MDFIC2: variants seen among roughly 807,000 people sequenced by gnomAD.
The protein encoded by MDFIC2 is myoD family inhibitor domain-containing protein 2.
At chr3:70,282,613 CTT>C (rs1296880182) in intron 2 of MDFIC2, among the ~76,000 whole-genome samples, 1 of 152,118 alleles carries the variant, frequency 6.6e-6, no homozygotes, top group Admixed American at 6.5e-5. Context: ...GCTGGAAATC[CTT>C]TCTTTCTAGA....
chr3:70,265,940 A>G (rs1174713572), intron 2 of MDFIC2, among the ~76,000 whole-genome samples: 3 of 152,148 alleles, frequency 2.0e-5, no homozygotes, highest in Non-Finnish European at 1.5e-5. Context: ...AGTTACCTCC[A>G]CCTGGTCTCC....
At chr3:70,231,808 T>C (rs1701562260) in intron 2 of MDFIC2, among the ~76,000 whole-genome samples, 1 of 152,142 alleles carries the variant, frequency 6.6e-6, no homozygotes, top group Admixed American at 6.5e-5. Context: ...TGAAATTACT[T>C]GGACCAGGAG....
intron 3 of MDFIC2, among the ~76,000 whole-genome samples, chr3:70,202,407 A>C (rs1181534393): frequency 1.3e-5 from 2 of 152,262 alleles, no homozygotes; most frequent in Middle Eastern, 3.4e-3. Flanking sequence ...GGACAAAAGG[A>C]AGAGGTGGGA....
intron 2 of MDFIC2, among the ~76,000 whole-genome samples, chr3:70,230,166 C>A (rs1701544355): frequency 6.6e-6 from 1 of 152,156 alleles, no homozygotes; most frequent in African/African-American, 2.4e-5. Flanking sequence ...CTATCAGACA[C>A]AAGAGCCATC....
chr3:70,304,184 G>A (rs1396661187), intron 2 of MDFIC2, among the ~76,000 whole-genome samples: 2 of 152,070 alleles, frequency 1.3e-5, no homozygotes, highest in African/African-American at 4.8e-5. Context: ...AGATGTCCCA[G>A]TCACTCCTGT....
intron 2 of MDFIC2, among the ~76,000 whole-genome samples, chr3:70,299,082 A>G (rs1467012866): frequency 6.6e-6 from 1 of 152,166 alleles, no homozygotes; most frequent in South Asian, 2.1e-4. Context: ...AAAACATATC[A>G]TAATGAATTC....
chr3:70,256,578 A>G (rs1701818531), intron 2 of MDFIC2, among the ~76,000 whole-genome samples: 1 of 152,182 alleles, frequency 6.6e-6, no homozygotes, highest in South Asian at 2.1e-4. Context: ...AACCTATGCT[A>G]TGCCACTTGC....
At chr3:70,236,481 T>C (rs2106748988) in intron 2 of MDFIC2, among the ~76,000 whole-genome samples, 1 of 152,336 alleles carries the variant, frequency 6.6e-6, no homozygotes, top group Middle Eastern at 3.4e-3. Context: ...TTCTTACTAA[T>C]GTGTAAGCCT....
At chr3:70,310,807 CTT>C (rs1436773307) in intron 2 of MDFIC2, among the ~76,000 whole-genome samples, 1 of 152,056 alleles carries the variant, frequency 6.6e-6, no homozygotes, top group Admixed American at 6.6e-5. Context: ...TGACGAGTAA[CTT>C]AAACATTTTT....
At chr3:70,277,019 A>G (rs551578803) in intron 2 of MDFIC2, among the ~76,000 whole-genome samples, 4 of 152,200 alleles carry the variant, frequency 2.6e-5, no homozygotes, top group Admixed American at 1.3e-4. Flanking sequence ...CATAATTTTT[A>G]GCATGGCATT....
At chr3:70,282,998 A>G (rs1297117977) in intron 2 of MDFIC2, among the ~76,000 whole-genome samples, 1 of 152,202 alleles carries the variant, frequency 6.6e-6, no homozygotes, top group African/African-American at 2.4e-5. Context: ...AAAATGGAGC[A>G]GGAGACTGAA....
intron 2 of MDFIC2, among the ~76,000 whole-genome samples, chr3:70,233,656 C>G (rs925650729): frequency 6.6e-6 from 1 of 152,162 alleles, no homozygotes; most frequent in Non-Finnish European, 1.5e-5. Context: ...ATGCATCCCT[C>G]TACTTCCTTC....
intron 2 of MDFIC2, among the ~76,000 whole-genome samples, chr3:70,259,958 A>T (rs1701850473): frequency 1.3e-5 from 2 of 151,994 alleles, no homozygotes; most frequent in African/African-American, 2.4e-5. Context: ...TTATAAAACC[A>T]TCAGATCTCA....
chr3:70,199,595 C>T (rs769628035), intron 3 of MDFIC2, among the ~76,000 whole-genome samples: 2 of 152,134 alleles, frequency 1.3e-5, no homozygotes, highest in Non-Finnish European at 2.9e-5. Flanking sequence ...GAGTTCCACA[C>T]TTTTCCTAAA....
intron 2 of MDFIC2, among the ~76,000 whole-genome samples, chr3:70,221,377 T>A (rs1454577461): frequency 6.6e-6 from 1 of 152,126 alleles, no homozygotes; most frequent in African/African-American, 2.4e-5. Flanking sequence ...GGAGAATACA[T>A]CTTAGAGAAG....
At chr3:70,235,371 A>G (rs1002157397) in intron 2 of MDFIC2, among the ~76,000 whole-genome samples, 3 of 152,150 alleles carry the variant, frequency 2.0e-5, no homozygotes, top group Non-Finnish European at 4.4e-5. Context: ...ATACTATTTC[A>G]TCACCCACTC....
intron 2 of MDFIC2, among the ~76,000 whole-genome samples, chr3:70,299,471 C>T (rs1406607131): frequency 1.3e-5 from 2 of 152,032 alleles, no homozygotes; most frequent in African/African-American, 4.8e-5. Context: ...AAGCACATAC[C>T]CCTAGAGACA....
chr3:70,244,323 T>C (rs1260947181), intron 2 of MDFIC2, among the ~76,000 whole-genome samples: 4 of 152,200 alleles, frequency 2.6e-5, no homozygotes, highest in Non-Finnish European at 4.4e-5. Flanking sequence ...CTTTTTCATG[T>C]TTAACATTTT....
intron 2 of MDFIC2, among the ~76,000 whole-genome samples, chr3:70,298,204 T>C (rs997985061): frequency 1.3e-5 from 2 of 152,176 alleles, no homozygotes; most frequent in African/African-American, 4.8e-5. Context: ...TTATTAGCCA[T>C]GCAAAAATAT....
Sources: gnomAD v4.1 joint callset for allele counts (sites outside exome capture counted in the v4.1 genomes callset) on GRCh38, gnomAD v4.1.1 for gene constraint, MANE v1.5 for transcripts, NCBI Gene and HGNC (gene_info 2026-07-23, HGNC 2026-07-21) for gene names.